NDOR1: variants seen among roughly 807,000 people sequenced by gnomAD.
NDOR1 encodes the protein NADPH dependent diflavin oxidoreductase 1.
In NDOR1, 61 loss-of-function variants were observed where a neutral mutation model predicts 67.2. That is an observed-to-expected ratio of 0.91 (90% CI 0.74 to 1.12). The LOEUF is 1.12. NDOR1 is among the 50% of genes most tolerant of loss of function. NDOR1 has a pLI of 0.00. For missense variants in NDOR1, 878 were observed against 802.8 expected (o/e 1.09, Z -1.13); for synonymous variants, 378 against 343.7 (o/e 1.10, Z -1.10).
chr9:137,213,110 C>T (rs941860247), intron 3 of NDOR1, among the ~76,000 whole-genome samples: 8 of 152,300 alleles, frequency 5.3e-5, no homozygotes, highest in Non-Finnish European at 8.8e-5. Flanking sequence ...CATCAAAAGC[C>T]GTTTGCATAG....
Position 137,219,256 on chromosome 9 carries a change from A to G in NDOR1, c.*2840A>G, listed in dbSNP as rs1020157557. On this transcript the variant is annotated 3_prime_UTR_variant, in exon 14 of 14. Coordinates refer to ENST00000684003, the MANE Select transcript of NDOR1 (RefSeq NM_014434.4). The stretch of plus-strand genomic sequence containing the variant: ...TGGAACATAAGCTCTGCCCCTGCAC[A>G]CCCTCATGTCACCACACCTGGGATG... 2 of 152,208 alleles carry G rather than the reference A, an allele frequency of 1.3e-5. No homozygotes were observed. The highest frequency in any genetic ancestry group is 4.8e-5 in the African/African-American group (2 of 41,420). 9.4% of individuals were successfully genotyped at this position (152,208 alleles called of 1,614,324 possible).
In NDOR1 at chr9:137,217,530, T is replaced by G. The variant is rs1473101649; in HGVS notation, c.*1114T>G. On this transcript the variant is annotated 3_prime_UTR_variant, in exon 14 of 14. Transcript: ENST00000684003. ...GCTGTCTTGGAGTCTTGATCTGTCG[T>G]CGGCGGGTCGCTGGCACAGGACTAA... The G allele has an allele frequency of 1.3e-5, 2 of 156,244 alleles. No individual in the cohort carries two copies. Among genetic ancestry groups the G allele is most frequent in the Non-Finnish European group, 1.4e-5 (1 of 71,108 alleles). 9.7% of individuals were successfully genotyped at this position (156,244 alleles called of 1,614,324 possible).
rs1283944265 is a variant in NDOR1 at position 137,205,753 on chromosome 9, A to G, written c.-25A>G. 1.2e-6 allele frequency: 2 copies of G among 1,601,256 alleles called. No homozygotes were observed. The highest frequency in any genetic ancestry group is 1.7e-6 in the Non-Finnish European group (2 of 1,179,560). On this transcript the variant is annotated 5_prime_UTR_variant, in exon 1 of 14. Transcript: ENST00000684003. ...GAACTGCCTTCTAGTTTTTAGTCTC[A>G]GACCAGACCACCGGGCGCACCCCGA...
intron 2 of NDOR1, among the ~76,000 whole-genome samples, chr9:137,210,677 T>C (rs542291459): frequency 3.3e-5 from 5 of 152,000 alleles, no homozygotes; most frequent in Admixed American, 3.3e-4. Flanking sequence ...ACCCAGTCTC[T>C]ACAAACAAAA....
In NDOR1 at chr9:137,218,514, C is replaced by T; in HGVS notation, c.*2098C>T. ...CGCCTGGCGCTGCTGAGCCTGCTGG[C>T]CCTTGAGCTTCTGGGGCTGCTGCTG... On this transcript the variant is annotated 3_prime_UTR_variant, in exon 14 of 14. Transcript: ENST00000684003. The T allele has an allele frequency of 2.5e-6, 1 of 400,578 alleles. No homozygotes were observed. The allele number at this position is 400,578 out of a possible 1,614,324, so 24.8% of individuals were successfully genotyped here.
Position 137,216,471 on chromosome 9 carries a change from G to C in NDOR1, c.*55G>C, listed in dbSNP as rs1835612829. 6.4e-7 allele frequency: 1 copy of C among 1,563,058 alleles called. No homozygotes were observed. The highest frequency in any genetic ancestry group is 1.1e-5 in the South Asian group (1 of 87,664). On this transcript the variant is annotated 3_prime_UTR_variant, in exon 14 of 14. Transcript: ENST00000684003. ...AGCCATCCTCCTGGGAGCCCAGGAAGGCATCCACGAGGGAGCTCCTGGCCA... is the reference window on the plus strand; with the variant it reads ...AGCCATCCTCCTGGGAGCCCAGGAACGCATCCACGAGGGAGCTCCTGGCCA...
In NDOR1 at chr9:137,215,433, C is replaced by T. The variant is rs991539492; in HGVS notation, c.1200C>T (p.Leu400=). Reference sequence around the variant, plus strand: ...CTCACCCCTCACGGCTGCAGATCCTCGTGGCTGTAGTGCAGTTCCAGACTC... The same window carrying T: ...CTCACCCCTCACGGCTGCAGATCCTTGTGGCTGTAGTGCAGTTCCAGACTC... ...LLTHPSRLQI[L]VAVVQFQTRL... is the part of the protein sequence containing the mutation. The change falls in exon 10 of 14, where the codon CTC becomes CTT. Residue 400 remains leucine (L), a synonymous_variant. Transcript: ENST00000684003. 19 of 1,613,230 alleles carry T rather than the reference C, an allele frequency of 1.2e-5. No homozygotes were observed. The highest frequency in any genetic ancestry group is 5.3e-5 in the African/African-American group (4 of 74,936).
At position 137,212,715 on chromosome 9, in the gene NDOR1, C is replaced by G. The variant is rs539396931; in HGVS notation, c.311+116C>G. 145 of 912,326 alleles carry G rather than the reference C, an allele frequency of 1.6e-4. No homozygotes were observed. The African/African-American group carries it at 2.0e-3, about 12-fold the overall frequency. The allele number at this position is 912,326 out of a possible 1,614,324, so 56.5% of individuals were successfully genotyped here. On this transcript the variant is annotated intron_variant, in intron 3 of 13. Transcript: ENST00000684003. The surrounding 1 kb of genome is among the most constrained non-coding windows in gnomAD (Gnocchi z 4.3). Reference sequence around the variant, plus strand: ...GTCGGCCCCTGCGCGCCTCAGGGCCCTCGCAGTGGTACTGGCTTCTCCACA... The same window carrying G: ...GTCGGCCCCTGCGCGCCTCAGGGCCGTCGCAGTGGTACTGGCTTCTCCACA...
rs9803071 is a variant in NDOR1 at position 137,213,902 on chromosome 9, G to A, written c.410+24G>A. ...GGGTGAGTCTGCGGGCGTGGTACCCGCCTCCACAGTCTGGTCTGGCCACAC... is the reference window on the plus strand; with the variant it reads ...GGGTGAGTCTGCGGGCGTGGTACCCACCTCCACAGTCTGGTCTGGCCACAC... On this transcript the variant is annotated intron_variant, in intron 4 of 13. Coordinates refer to ENST00000684003, the MANE Select transcript of NDOR1 (RefSeq NM_014434.4). 19 of 1,601,024 alleles carry A rather than the reference G, an allele frequency of 1.2e-5. No individual in the cohort carries two copies. The Middle Eastern group carries it at 6.7e-4, about 56-fold the overall frequency.
At position 137,217,540 on chromosome 9, in the gene NDOR1, G is replaced by A. The variant is rs1033896311; in HGVS notation, c.*1124G>A. ...AGTCTTGATCTGTCGTCGGCGGGTC[G>A]CTGGCACAGGACTAAACATGGCTGA... On this transcript the variant is annotated 3_prime_UTR_variant, in exon 14 of 14. Coordinates refer to ENST00000684003, the MANE Select transcript of NDOR1 (RefSeq NM_014434.4). The A allele has an allele frequency of 3.8e-5, 6 of 158,440 alleles. No individual in the cohort carries two copies. The highest frequency in any genetic ancestry group is 3.7e-4 in the East Asian group (2 of 5,426). The allele number at this position is 158,440 out of a possible 1,614,324, so 9.8% of individuals were successfully genotyped here. A position where few individuals can be genotyped will look rare whatever the true frequency, so the allele number is the denominator to read the frequency against.
At position 137,218,500 on chromosome 9, in the gene NDOR1, G is replaced by T. The variant is rs1835739025; in HGVS notation, c.*2084G>T. ...GACCCTGTGCCCGCCGCCTGGCGCT[G>T]CTGAGCCTGCTGGCCCTTGAGCTTC... is the stretch of plus-strand genomic sequence containing the variant. On this transcript the variant is annotated 3_prime_UTR_variant, in exon 14 of 14. Coordinates refer to ENST00000684003, the MANE Select transcript of NDOR1 (RefSeq NM_014434.4). 7.5e-6 allele frequency: 3 copies of T among 398,576 alleles called. No individual in the cohort carries two copies. The highest frequency in any genetic ancestry group is 1.3e-5 in the Non-Finnish European group (3 of 227,378). The allele number at this position is 398,576 out of a possible 1,614,324, so 24.7% of individuals were successfully genotyped here.
chr9:137,205,764 C>CGGT lies in NDOR1; in HGVS notation c.-14_-13insGGT. On this transcript the variant is annotated 5_prime_UTR_variant, in exon 1 of 14. Coordinates refer to ENST00000684003, the MANE Select transcript of NDOR1 (RefSeq NM_014434.4). ...TAGTTTTTAGTCTCAGACCAGACCACCGGGCGCACCCCGATGCCGAGCCCG... is the reference window on the plus strand; with the variant it reads ...TAGTTTTTAGTCTCAGACCAGACCACGGTCGGGCGCACCCCGATGCCGAGCCCG... 6.2e-7 allele frequency: 1 copy of CGGT among 1,602,518 alleles called. No individual in the cohort carries two copies. Among genetic ancestry groups the CGGT allele is most frequent in the Non-Finnish European group, 8.5e-7 (1 of 1,179,632 alleles).
At chr9:137,208,294 A>T (rs555531882) in intron 2 of NDOR1, among the ~76,000 whole-genome samples, 1 of 151,052 alleles carries the variant, frequency 6.6e-6, no homozygotes, top group African/African-American at 2.4e-5. Context: ...TACTAAAAAT[A>T]CAAAAAACTA....
chr9:137,213,808 C>A lies in NDOR1; in HGVS notation c.340C>A (p.Arg114=). The change falls in exon 4 of 14, where the codon CGA becomes AGA. Residue 114 remains arginine, a synonymous_variant. Transcript: ENST00000684003. ...CAACTTCGTGGCCAAGAAGCTGCAC[C>A]GACGGCTACTGCAGCTTGGGGGCAG... ...KFNFVAKKLH[R]RLLQLGGSAL... 1 of 1,612,724 alleles carries A rather than the reference C, an allele frequency of 6.2e-7. No individual in the cohort carries two copies.
Position 137,216,679 on chromosome 9 carries a change from T to G in NDOR1, c.*263T>G. ...GCTGTGTCCTCGTCCCCCCACCCCCTTCCCAGTCAAGGTGGTGGCCTGGGC... is the reference window on the plus strand; with the variant it reads ...GCTGTGTCCTCGTCCCCCCACCCCCGTCCCAGTCAAGGTGGTGGCCTGGGC... On this transcript the variant is annotated 3_prime_UTR_variant, in exon 14 of 14. Coordinates refer to ENST00000684003, the MANE Select transcript of NDOR1 (RefSeq NM_014434.4). The G allele has an allele frequency of 1.0e-4, 50 of 498,670 alleles. No individual in the cohort carries two copies. Among genetic ancestry groups the G allele is most frequent in the East Asian group, 2.2e-4 (6 of 26,994 alleles). 30.9% of individuals were successfully genotyped at this position (498,670 alleles called of 1,614,324 possible). A position where few individuals can be genotyped will look rare whatever the true frequency, so the allele number is the denominator to read the frequency against.
In NDOR1 at chr9:137,218,834, C is replaced by G. The variant is rs1254626630; in HGVS notation, c.*2418C>G. 2.6e-6 allele frequency: 1 copy of G among 392,114 alleles called. No individual in the cohort carries two copies. The highest frequency in any genetic ancestry group is 2.1e-5 in the African/African-American group (1 of 48,506). 24.3% of individuals were successfully genotyped at this position (392,114 alleles called of 1,614,324 possible). A position where few individuals can be genotyped will look rare whatever the true frequency, so the allele number is the denominator to read the frequency against. ...ACTGCTGCCCAGACACTAGCTGAAC[C>G]CAAGGACACCAGCGCCCAAGGACAG... On this transcript the variant is annotated 3_prime_UTR_variant, in exon 14 of 14. Coordinates refer to ENST00000684003, the MANE Select transcript of NDOR1 (RefSeq NM_014434.4).
intron 9 of NDOR1, 23 bp from the exon 10 acceptor site, chr9:137,215,384 C>A: frequency 6.4e-7 from 1 of 1,564,414 alleles, no homozygotes; most frequent in Non-Finnish European, 8.8e-7. Flanking sequence ...GTTCCACCAC[C>A]CCCACCCCGC....
rs1298211072 is a variant in NDOR1, at chr9:137,212,254, A to T, written c.214-248A>T. On this transcript the variant is annotated intron_variant, in intron 2 of 13. Coordinates refer to ENST00000684003, the MANE Select transcript of NDOR1 (RefSeq NM_014434.4). The surrounding 1 kb of genome is among the most constrained non-coding windows in gnomAD (Gnocchi z 4.3). ...AGCTCCACGCAGGCCTGTAGAGCAC[A>T]GCAGGGTCTGGCTCCTGTGGGCAGG... Among the ~76,000 whole-genome samples the T allele has an allele frequency of 3.9e-5, 6 of 152,154 alleles. No individual in the cohort carries two copies. The highest frequency in any genetic ancestry group is 8.8e-5 in the Non-Finnish European group (6 of 67,998).
At chr9:137,215,056 C>T (rs1195080221) in intron 8 of NDOR1, 38 bp downstream of exon 8, 2 of 1,613,054 alleles carry the variant, frequency 1.2e-6, no homozygotes, top group South Asian at 2.2e-5. Flanking sequence ...CCCTGAGCTA[C>T]AGCCACGCTG....
Sources: gnomAD v4.1 joint callset for allele counts (sites outside exome capture counted in the v4.1 genomes callset) on GRCh38, gnomAD v4.1.1 for gene constraint, Gnocchi (gnomAD v3.1) non-coding constraint, MANE v1.5 for transcripts, NCBI Gene and HGNC (gene_info 2026-07-23, HGNC 2026-07-21) for gene names.